KDM2B: variants seen among roughly 807,000 people sequenced by gnomAD.
The protein encoded by KDM2B is lysine demethylase 2B.
A neutral mutation model predicts 150.0 loss-of-function variants in KDM2B; 26 were observed. The observed-to-expected ratio is 0.17, with a 90% CI of 0.13 to 0.24. KDM2B has a LOEUF of 0.24. KDM2B is among the 10% of genes least tolerant of loss of function. The pLI, the probability that KDM2B is intolerant of heterozygous loss-of-function variation, is 1.00. For synonymous variants in KDM2B, 734 were observed against 729.5 expected, an observed-to-expected ratio of 1.01 and a Z score of -0.10; for missense variants, 1,265 against 1,816.9, an observed-to-expected ratio of 0.70 and a Z score of 5.52.
At chr12:121,484,593 G>A (rs1882546041) in intron 12 of KDM2B, among the ~76,000 whole-genome samples, 1 of 152,112 alleles carries the variant, frequency 6.6e-6, no homozygotes, top group South Asian at 2.1e-4. Flanking sequence ...CAAGGTGGGA[G>A]GATCACTTGG....
chr12:121,416,105 A>G, the KDM2B span: 1 of 1,460,832 alleles, frequency 6.8e-7, no homozygotes, highest in Admixed American at 1.7e-5. Context: ...TGAGGATCCC[A>G]GAGAGCCCAG....
rs551630127 is a variant in KDM2B, at chr12:121,505,510, C to T, written c.1647+4057G>A. ...TGTGATCATGCCACTGCACTCTAGC[C>T]TTGGTGACAGAGTAAGACTCTGTCT... On this transcript the variant is annotated intron_variant, in intron 11 of 22. Coordinates refer to ENST00000377071, the MANE Select transcript of KDM2B (RefSeq NM_032590.5). Among the ~76,000 whole-genome samples, 12 of 152,236 alleles carry T rather than the reference C, an allele frequency of 7.9e-5. No individual in the cohort carries two copies. In the South Asian group the frequency reaches 1.0e-3, roughly 13 times the overall value.
At chr12:121,519,614 G>C (rs1337084898) in intron 9 of KDM2B, among the ~76,000 whole-genome samples, 1 of 152,160 alleles carries the variant, frequency 6.6e-6, no homozygotes, top group African/African-American at 2.4e-5. Flanking sequence ...ATTAGGGCTA[G>C]CCAGGGGAAA....
intron 12 of KDM2B, among the ~76,000 whole-genome samples, chr12:121,475,175 CAT>C (rs1352072446): frequency 7.2e-6 from 1 of 139,704 alleles, no homozygotes; most frequent in African/African-American, 2.7e-5. Context: ...TTAAACTACA[CAT>C]GACTCTGTGT....
At chr12:121,426,262 T>C (rs561373766), downstream of KDM2B, among the ~76,000 whole-genome samples, 184 of 152,330 alleles carry the variant, frequency 1.2e-3, 2 homozygotes, top group Non-Finnish European at 1.6e-3. Flanking sequence ...TACAAAATGC[T>C]TGGTGGATTT....
intron 12 of KDM2B, chr12:121,493,762 A>C (rs1883610577): frequency 6.6e-6 from 1 of 152,206 alleles, no homozygotes; most frequent in African/African-American, 2.4e-5. Context: ...AGGTCCAGAC[A>C]ACAAACTGCT....
At chr12:121,577,588 A>C (rs1891585145) in intron 2 of KDM2B, among the ~76,000 whole-genome samples, 1 of 152,186 alleles carries the variant, frequency 6.6e-6, no homozygotes, top group South Asian at 2.1e-4. Context: ...GTCTCTTCTC[A>C]GAGCTAACCC....
In KDM2B at chr12:121,549,402, A is replaced by G; in HGVS notation, c.576+58T>C. 1 of 1,463,334 alleles carries G rather than the reference A, an allele frequency of 6.8e-7. No homozygotes were observed. The highest frequency in any genetic ancestry group is 9.3e-7 in the Non-Finnish European group (1 of 1,078,770). 90.6% of individuals were successfully genotyped at this position (1,463,334 alleles called of 1,614,324 possible). A position where few individuals can be genotyped will look rare whatever the true frequency, so the allele number is the denominator to read the frequency against. ...AAGGCACAACCCAGGTGGCAGGGGGACAGGGAAGGAGATGAGGTGGAAGGT... is the reference window on the plus strand; with the variant it reads ...AAGGCACAACCCAGGTGGCAGGGGGGCAGGGAAGGAGATGAGGTGGAAGGT... On this transcript the variant is annotated intron_variant, in intron 5 of 22. Transcript: ENST00000377071. The surrounding 1 kb of genome is among the most constrained non-coding windows in gnomAD (Gnocchi z 4.4).
At position 121,429,591 on chromosome 12, in the gene KDM2B, T is replaced by C. The variant is rs2137327785; in HGVS notation, c.*697A>G. ...CAACATGCTCATGTAACTCTTGAGG[T>C]ACAAAGCAGACTCTCAACTTCCAGT... On this transcript the variant is annotated 3_prime_UTR_variant, in exon 23 of 23. Transcript: ENST00000377071. The C allele has an allele frequency of 5.5e-6, 1 of 180,424 alleles. No individual in the cohort carries two copies. The highest frequency in any genetic ancestry group is 2.4e-5 in the African/African-American group (1 of 42,366). 11.2% of individuals were successfully genotyped at this position (180,424 alleles called of 1,614,324 possible).
chr12:121,417,778 C>T, the KDM2B span: 6 of 1,614,194 alleles, frequency 3.7e-6, no homozygotes, highest in Non-Finnish European at 5.1e-6. The surrounding 1 kb of genome is among the most constrained non-coding windows in gnomAD (Gnocchi z 5.0). Flanking sequence ...CTGAATTCTT[C>T]AAGGTCCCAG....
chr12:121,454,164 G>GTAA (rs1258031727), intron 12 of KDM2B, among the ~76,000 whole-genome samples: 1 of 152,170 alleles, frequency 6.6e-6, no homozygotes, highest in Non-Finnish European at 1.5e-5. Flanking sequence ...GCTCATGATG[G>GTAA]TAATCATCTG....
At position 121,430,019 on chromosome 12, in the gene KDM2B, C is replaced by A. The variant is rs781996080; in HGVS notation, c.*269G>T. On this transcript the variant is annotated 3_prime_UTR_variant, in exon 23 of 23. Coordinates refer to ENST00000377071, the MANE Select transcript of KDM2B (RefSeq NM_032590.5). The surrounding 1 kb of genome is among the most constrained non-coding windows in gnomAD (Gnocchi z 4.4). ...TGAGAATTTCTCCGAAGTCCACCCTCCTCTCCGACAGGAATGTCTTCTTGT... is the reference window on the plus strand; with the variant it reads ...TGAGAATTTCTCCGAAGTCCACCCTACTCTCCGACAGGAATGTCTTCTTGT... The A allele has an allele frequency of 7.6e-6, 8 of 1,054,362 alleles. No homozygotes were observed. In the Admixed American group the frequency reaches 1.4e-4, roughly 18 times the overall value. The allele number at this position is 1,054,362 out of a possible 1,614,324, so 65.3% of individuals were successfully genotyped here.
At chr12:121,448,319 CAAAAAAAAAAAAAA>C (rs57261158) in intron 13 of KDM2B, among the ~76,000 whole-genome samples, 2 of 51,106 alleles carry the variant, frequency 3.9e-5, no homozygotes, top group South Asian at 8.6e-4. Context: ...GACTCTGTCT[CAAAAAAAAAAAAAA>C]AAAAAAAAAA....
chr12:121,535,240 A>G (rs1308634636), intron 6 of KDM2B, among the ~76,000 whole-genome samples: 1 of 152,044 alleles, frequency 6.6e-6, no homozygotes, highest in Non-Finnish European at 1.5e-5. Flanking sequence ...CACACAAAAA[A>G]CAAAAAAACA....
At chr12:121,529,907 C>T (rs146410843) in intron 8 of KDM2B, among the ~76,000 whole-genome samples, 1,936 of 126,730 alleles carry the variant, frequency 0.015, 44 homozygotes, top group African/African-American at 0.055. Flanking sequence ...TCCAGCCTGG[C>T]GACAGAGCAA....
intron 12 of KDM2B, among the ~76,000 whole-genome samples, chr12:121,485,221 G>A (rs1489407767): frequency 6.6e-6 from 1 of 152,078 alleles, no homozygotes; most frequent in Non-Finnish European, 1.5e-5. Flanking sequence ...GTGCTGTGAT[G>A]GGGTCTAAAC....
chr12:121,440,650 T>C, intron 21 of KDM2B, 166 bp downstream of exon 21: 1 of 660,366 alleles, frequency 1.5e-6, no homozygotes, highest in East Asian at 2.8e-5. Flanking sequence ...CAGGAGCCCC[T>C]GCCTCCTCCC....
intron 12 of KDM2B, among the ~76,000 whole-genome samples, chr12:121,457,846 T>G (rs1308175460): frequency 6.6e-6 from 1 of 152,086 alleles, no homozygotes; most frequent in Admixed American, 6.6e-5. Flanking sequence ...GTGAATGCTA[T>G]CAAGGTTTAT....
At chr12:121,512,771 G>T (rs1461677273) in intron 10 of KDM2B, among the ~76,000 whole-genome samples, 3 of 152,198 alleles carry the variant, frequency 2.0e-5, no homozygotes, top group Non-Finnish European at 4.4e-5. Flanking sequence ...CGCTGCAGCG[G>T]CTCCAAACAC....
Sources: allele counts gnomAD v4.1 joint callset (sites outside exome capture counted in the v4.1 genomes callset), GRCh38; gene constraint gnomAD v4.1.1; non-coding constraint Gnocchi (gnomAD v3.1); transcripts MANE v1.5; gene names NCBI Gene and HGNC (gene_info 2026-07-23, HGNC 2026-07-21).